Variants in NRG3 observed in about 807,000 individuals in gnomAD.
NRG3 encodes the protein neuregulin 3.
NRG3 carries 31 observed loss-of-function variants against 66.9 expected under a neutral mutation model. The observed-to-expected ratio is 0.46, with a 90% CI of 0.35 to 0.63. The LOEUF is 0.63. Ranked by LOEUF, NRG3 falls within the 20% of genes least tolerant of loss-of-function variation. The probability of loss-of-function intolerance (pLI) is 0.00; values close to 1 mark genes in which losing one functional copy is unlikely to be tolerated. For synonymous variants in NRG3, 393 were observed against 359.4 expected (o/e 1.09, Z -1.06); for missense variants, 910 against 878.9 (o/e 1.04, Z -0.45).
chr10:82,517,699 GTA>G (rs1338605975), intron 2 of NRG3, among the ~76,000 whole-genome samples: 4 of 149,870 alleles, frequency 2.7e-5, no homozygotes, highest in African/African-American at 9.9e-5. Flanking sequence ...GTGTGTGTCT[GTA>G]TGTTTCTGTC....
chr10:82,466,569 A>G lies in NRG3; in HGVS notation c.953+107701A>G, dbSNP rs189486005. On this transcript the variant is annotated intron_variant, in intron 2 of 8. Transcript: ENST00000372141. Reference sequence around the variant, plus strand: ...AAACAGGTAGGCAGTTCAGGCCAGGAAGCTGGAAGAAGACTGGTAAATAAG... The same window carrying G: ...AAACAGGTAGGCAGTTCAGGCCAGGGAGCTGGAAGAAGACTGGTAAATAAG... Among the ~76,000 whole-genome samples, 7 of 152,288 alleles carry G rather than the reference A, an allele frequency of 4.6e-5. No homozygotes were observed. The East Asian group carries it at 1.4e-3, about 29-fold the overall frequency.
At position 82,985,596 on chromosome 10, in the gene NRG3, G is replaced by T. The variant is rs1159966654; in HGVS notation, c.2082G>T (p.Leu694Phe). 1 of 1,610,326 alleles carries T rather than the reference G, an allele frequency of 6.2e-7. No homozygotes were observed. The highest frequency in any genetic ancestry group is 1.1e-5 in the South Asian group (1 of 90,830). Residue 694 changes from leucine (L) to phenylalanine (F), a missense_variant, in exon 9 of 9, where the codon TTG becomes TTT. Leu to Phe is a conservative substitution (Grantham distance 22). Coordinates refer to ENST00000372141, the MANE Select transcript of NRG3 (RefSeq NM_001010848.4). ...ATGAAATACAAAGAGACTCTGCATT[G>T]ACCAAGTGACTTGAGATGTAGGAAT... ...LRNEIQRDSA[L>F]TK is the part of the protein sequence containing the mutation.
At chr10:82,393,086 T>C (rs754141228) in intron 2 of NRG3, among the ~76,000 whole-genome samples, 7 of 152,104 alleles carry the variant, frequency 4.6e-5, no homozygotes, top group Non-Finnish European at 1.0e-4. Flanking sequence ...GTATGGTTTG[T>C]CTATACTTCC....
intron 2 of NRG3, among the ~76,000 whole-genome samples, chr10:82,640,824 A>T (rs1027933918): frequency 6.6e-6 from 1 of 152,138 alleles, no homozygotes; most frequent in African/African-American, 2.4e-5. Flanking sequence ...TTAATATGTC[A>T]TAAACTAAAT....
Position 82,555,935 on chromosome 10 carries a change from A to G in NRG3, c.954-182642A>G, listed in dbSNP as rs374491722. On this transcript the variant is annotated intron_variant, in intron 2 of 8. Transcript: ENST00000372141. Reference sequence around the variant, plus strand: ...AATATTTCTCTAAGAAGTCATTTATATATTCTGTCACTAACCTCCTCTCTT... The same window carrying G: ...AATATTTCTCTAAGAAGTCATTTATGTATTCTGTCACTAACCTCCTCTCTT... 1.1e-3 allele frequency among the ~76,000 whole-genome samples: 169 copies of G among 152,222 alleles called. 2 individuals carry two copies. The highest frequency in any genetic ancestry group is 4.0e-3 in the African/African-American group (165 of 41,560).
chr10:82,737,178 C>A (rs1029744516), intron 2 of NRG3, among the ~76,000 whole-genome samples: 3 of 152,072 alleles, frequency 2.0e-5, no homozygotes, highest in Admixed American at 2.0e-4. Context: ...ATTTCAGTAA[C>A]ATGTTGGATA....
At chr10:82,713,335 G>A (rs561750629) in intron 2 of NRG3, among the ~76,000 whole-genome samples, 3 of 152,038 alleles carry the variant, frequency 2.0e-5, no homozygotes, top group Non-Finnish European at 2.9e-5. Flanking sequence ...TAGAAACATG[G>A]AGACCAAGAA....
At chr10:82,044,546 A>G (rs1357470846) in intron 1 of NRG3, among the ~76,000 whole-genome samples, 1 of 152,000 alleles carries the variant, frequency 6.6e-6, no homozygotes, top group Non-Finnish European at 1.5e-5. Flanking sequence ...TCCCCCATTA[A>G]CATCATAACG....
At chr10:82,195,349 A>C (rs1222797358) in intron 1 of NRG3, among the ~76,000 whole-genome samples, 1 of 152,226 alleles carries the variant, frequency 6.6e-6, no homozygotes, top group East Asian at 1.9e-4. Flanking sequence ...ATCATGAAAT[A>C]AACATACAAA....
chr10:82,641,985 C>T (rs1447401929), intron 2 of NRG3, among the ~76,000 whole-genome samples: 2 of 152,056 alleles, frequency 1.3e-5, no homozygotes, highest in African/African-American at 4.8e-5. Flanking sequence ...CTCAACCTCC[C>T]CCTTTCCAAG....
chr10:82,075,428 T>C (rs2065036610), intron 1 of NRG3, among the ~76,000 whole-genome samples: 1 of 152,190 alleles, frequency 6.6e-6, no homozygotes, highest in Non-Finnish European at 1.5e-5. Flanking sequence ...TATTTGGTTA[T>C]ATACAGATAG....
At chr10:81,923,395 C>T (rs1202776715) in intron 1 of NRG3, among the ~76,000 whole-genome samples, 3 of 151,882 alleles carry the variant, frequency 2.0e-5, no homozygotes, top group East Asian at 1.9e-4. Flanking sequence ...TTAGTAGAGA[C>T]GGGGTTTCAT....
intron 2 of NRG3, among the ~76,000 whole-genome samples, chr10:82,551,939 C>A (rs73311954): frequency 0.021 from 3,251 of 151,932 alleles, 48 homozygotes; most frequent in Middle Eastern, 0.068. Flanking sequence ...ATCCACCATT[C>A]TCTTCTTTTT....
intron 2 of NRG3, among the ~76,000 whole-genome samples, chr10:82,648,723 T>A (rs2051163664): frequency 6.6e-6 from 1 of 152,188 alleles, no homozygotes; most frequent in African/African-American, 2.4e-5. Flanking sequence ...GTCCTTCACG[T>A]CCCTTGTAAG....
chr10:82,826,439 A>G (rs1485591041), intron 3 of NRG3, among the ~76,000 whole-genome samples: 1 of 152,240 alleles, frequency 6.6e-6, no homozygotes, highest in Non-Finnish European at 1.5e-5. Flanking sequence ...GGGGCAGAGG[A>G]ATAAAAGGCA....
At chr10:81,988,948 AG>A (rs902908858) in intron 1 of NRG3, among the ~76,000 whole-genome samples, 4 of 152,020 alleles carry the variant, frequency 2.6e-5, no homozygotes, top group African/African-American at 9.7e-5. Flanking sequence ...AACAGAGTTA[AG>A]GGTGGGAGGC....
At chr10:82,137,396 A>G (rs2069449414) in intron 1 of NRG3, among the ~76,000 whole-genome samples, 1 of 152,182 alleles carries the variant, frequency 6.6e-6, no homozygotes, top group African/African-American at 2.4e-5. Flanking sequence ...CTCCCACAAT[A>G]CTATTATTTT....
intron 2 of NRG3, among the ~76,000 whole-genome samples, chr10:82,697,215 A>G (rs1286006555): frequency 6.6e-6 from 1 of 152,228 alleles, no homozygotes; most frequent in Non-Finnish European, 1.5e-5. Flanking sequence ...GCATAAAATG[A>G]CAACACAAAC....
At chr10:82,625,515 A>G (rs936332986) in intron 2 of NRG3, among the ~76,000 whole-genome samples, 12 of 152,200 alleles carry the variant, frequency 7.9e-5, no homozygotes, top group African/African-American at 2.9e-4. Flanking sequence ...AGTGAGAATC[A>G]GGTATGAAGC....
Sources: allele counts gnomAD v4.1 joint callset (sites outside exome capture counted in the v4.1 genomes callset), GRCh38; gene constraint gnomAD v4.1.1; transcripts MANE v1.5; gene names NCBI Gene and HGNC (gene_info 2026-07-23, HGNC 2026-07-21).